The following FLYWCH1 variants were observed in gnomAD, a reference collection of about 807,000 sequenced individuals.
The protein encoded by FLYWCH1 is FLYWCH-type zinc finger 1.
Under a neutral mutation model 66.4 loss-of-function variants are expected in FLYWCH1, and 75 were observed. That is an observed-to-expected ratio of 1.13 (90% CI 0.94 to 1.37). The LOEUF (loss-of-function observed/expected upper bound fraction) is 1.37. Ranked by LOEUF, FLYWCH1 falls within the 40% of genes most tolerant of loss-of-function variation. FLYWCH1 has a pLI of 0.00. For missense variants in FLYWCH1, 1,334 were observed against 1,001.8 expected (o/e 1.33, Z -4.48); for synonymous variants, 595 against 429.9 (o/e 1.38, Z -4.75).
intron 6 of FLYWCH1, 62 bp from the exon 7 acceptor site, chr16:2,937,058 GC>G (rs2071034893): frequency 8.0e-7 from 1 of 1,248,604 alleles, no homozygotes; most frequent in African/African-American, 2.3e-5. Context: ...TCATCTCGGG[GC>G]CATGCTGATC....
Position 2,933,215 on chromosome 16 carries a change from G to A in FLYWCH1, c.882G>A (p.Lys294=). 6.2e-7 allele frequency: 1 copy of A among 1,613,742 alleles called. No homozygotes were observed. The highest frequency in any genetic ancestry group is 8.5e-7 in the Non-Finnish European group (1 of 1,179,856). Residue 294 remains lysine, a synonymous_variant, in exon 5 of 10, where the codon AAG becomes AAA. Transcript: ENST00000253928. ...AGTCGTTCCTCTACAAGCGGGAGAA[G>A]GCTGTCGGGGACAAGGTGTATTGGA... is the stretch of plus-strand genomic sequence containing the variant. The part of the protein sequence containing the change: ...VHESFLYKRE[K]AVGDKVYWTC...
chr16:2,947,244 T>C (rs1461959842), intron 9 of FLYWCH1, among the ~76,000 whole-genome samples: 2 of 152,184 alleles, frequency 1.3e-5, no homozygotes, highest in Non-Finnish European at 2.9e-5. Flanking sequence ...TGTATGTAAT[T>C]CTGTTCTTAC....
chr16:2,934,696 C>G (rs1168764621), intron 6 of FLYWCH1: 2 of 455,988 alleles, frequency 4.4e-6, no homozygotes, highest in East Asian at 1.4e-4. Flanking sequence ...CTAAAGTTCT[C>G]TCGGACTTGA....
chr16:2,919,126 A>T (rs1306563532), intron 2 of FLYWCH1, among the ~76,000 whole-genome samples: 2 of 151,686 alleles, frequency 1.3e-5, no homozygotes, highest in African/African-American at 4.8e-5. Flanking sequence ...AGTAGATGTT[A>T]TCCAAGGTGG....
In FLYWCH1 at chr16:2,944,339, G is replaced by A. The variant is rs1343184337; in HGVS notation, c.2111+4247G>A. Among the ~76,000 whole-genome samples, 11 of 148,628 alleles carry A rather than the reference G, an allele frequency of 7.4e-5. No homozygotes were observed. In the East Asian group the frequency reaches 9.9e-4, roughly 13 times the overall value. ...TGGGAGGTGGAGGTTGTGGTGAGCC[G>A]AGATTGTGCCATTGCACTCCATCCA... On this transcript the variant is annotated intron_variant, in intron 9 of 9. Transcript: ENST00000253928.
In FLYWCH1 at chr16:2,927,332, G is replaced by A. The variant is rs373225630; in HGVS notation, c.-73-2281G>A. ...TCCTGGTAATTTTACAATCGGTACC[G>A]GCCGGGGAAGGGGCTCCAGCAGGAG... On this transcript the variant is annotated intron_variant, in intron 2 of 9. Coordinates refer to ENST00000253928, the MANE Select transcript of FLYWCH1 (RefSeq NM_001308068.2). 9.2e-5 allele frequency among the ~76,000 whole-genome samples: 14 copies of A among 152,324 alleles called. No homozygotes were observed. The East Asian group carries it at 1.5e-3, about 17-fold the overall frequency.
chr16:2,946,072 T>C (rs545367353), intron 9 of FLYWCH1, among the ~76,000 whole-genome samples: 11 of 152,310 alleles, frequency 7.2e-5, no homozygotes, highest in Admixed American at 2.0e-4. Context: ...AATGTATTTG[T>C]GTTTTAAACT....
At position 2,948,900 on chromosome 16, in the gene FLYWCH1, G is replaced by T; in HGVS notation, c.*173G>T. Reference sequence around the variant, plus strand: ...CTCCCAGGAGGAATTCTTGGATGGTGTCCTCATGTCGGCGGAGAACAGTGC... The same window carrying T: ...CTCCCAGGAGGAATTCTTGGATGGTTTCCTCATGTCGGCGGAGAACAGTGC... On this transcript the variant is annotated 3_prime_UTR_variant, in exon 10 of 10. Transcript: ENST00000253928. The T allele has an allele frequency of 1.6e-6, 1 of 610,858 alleles. No homozygotes were observed. The highest frequency in any genetic ancestry group is 2.9e-6 in the Non-Finnish European group (1 of 343,720). The allele number at this position is 610,858 out of a possible 1,614,324, so 37.8% of individuals were successfully genotyped here.
chr16:2,920,307 C>T (rs1013038549), intron 2 of FLYWCH1, among the ~76,000 whole-genome samples: 18 of 151,844 alleles, frequency 1.2e-4, no homozygotes, highest in Admixed American at 3.3e-4. Flanking sequence ...GCCAGGAGTT[C>T]GAGACCAGCC....
At chr16:2,930,355 C>A in intron 3 of FLYWCH1, 55 bp from the exon 4 acceptor site, 5 of 1,165,582 alleles carry the variant, frequency 4.3e-6, no homozygotes, top group Non-Finnish European at 5.9e-6. Flanking sequence ...CTCTCTGTGC[C>A]TGCGACCCTG....
intron 6 of FLYWCH1, 34 bp downstream of exon 6, chr16:2,934,013 G>A: frequency 6.7e-7 from 1 of 1,488,480 alleles, no homozygotes; most frequent in Non-Finnish European, 8.9e-7. Flanking sequence ...TGGGCCCCAG[G>A]AAGCAGGCAG....
rs1162192022 is a variant in FLYWCH1, at chr16:2,920,833, G to A, written c.-74+6544G>A. 5.0e-5 allele frequency among the ~76,000 whole-genome samples: 6 copies of A among 120,956 alleles called. No homozygotes were observed. The East Asian group carries it at 1.1e-3, about 22-fold the overall frequency. 79.4% of individuals were successfully genotyped at this position (120,956 alleles called of 152,430 possible). A position where few individuals can be genotyped will look rare whatever the true frequency, so the allele number is the denominator to read the frequency against. On this transcript the variant is annotated intron_variant, in intron 2 of 9. Transcript: ENST00000253928. The stretch of plus-strand genomic sequence containing the variant: ...TAGGATTACAGGCGTGAGCCACAAC[G>A]CCTGGCCTTTTTTTTTTTTTTTTTT...
chr16:2,914,000 G>A (rs910254296), intron 1 of FLYWCH1, among the ~76,000 whole-genome samples, 176 bp from the exon 2 acceptor site: 8 of 152,084 alleles, frequency 5.3e-5, no homozygotes, highest in Admixed American at 1.3e-4. Flanking sequence ...GTGAGCCACC[G>A]TGCCACCGGC....
intron 2 of FLYWCH1, among the ~76,000 whole-genome samples, chr16:2,925,940 G>C (rs530343346): frequency 3.7e-4 from 57 of 152,348 alleles, no homozygotes; most frequent in African/African-American, 1.3e-3. Flanking sequence ...GCTGCAGCAT[G>C]TGAGGTGGGG....
chr16:2,940,100 T>C lies in FLYWCH1; in HGVS notation c.2111+8T>C. 1.6e-6 allele frequency: 2 copies of C among 1,223,640 alleles called. No individual in the cohort carries two copies. The highest frequency in any genetic ancestry group is 2.4e-6 in the Non-Finnish European group (2 of 825,440). The allele number at this position is 1,223,640 out of a possible 1,614,324, so 75.8% of individuals were successfully genotyped here. On this transcript the variant is annotated splice_region_variant and intron_variant, in intron 9 of 9. Transcript: ENST00000253928. ...AAGCCAGCAGATTTATGGGTAATTG[T>C]ATTTGTTATCTAATGGTGCATGACC... is the stretch of plus-strand genomic sequence containing the variant.
At chr16:2,931,062 T>C (rs1218252569) in intron 4 of FLYWCH1, among the ~76,000 whole-genome samples, 182 bp downstream of exon 4, 1 of 152,088 alleles carries the variant, frequency 6.6e-6, no homozygotes, top group Non-Finnish European at 1.5e-5. Flanking sequence ...CCCAGCACTT[T>C]GGGAGGCCAA....
intron 9 of FLYWCH1, among the ~76,000 whole-genome samples, chr16:2,944,571 C>G (rs933821162): frequency 6.6e-6 from 1 of 152,032 alleles, no homozygotes; most frequent in Non-Finnish European, 1.5e-5. Context: ...ACCTATAATC[C>G]CAGCACTTTG....
chr16:2,946,698 A>G (rs2071500614), intron 9 of FLYWCH1, among the ~76,000 whole-genome samples: 1 of 152,138 alleles, frequency 6.6e-6, no homozygotes, highest in South Asian at 2.1e-4. Flanking sequence ...TTTCCCACAG[A>G]AGATTTGATT....
chr16:2,927,163 C>T (rs1002780926), intron 2 of FLYWCH1, among the ~76,000 whole-genome samples: 1 of 152,184 alleles, frequency 6.6e-6, no homozygotes, highest in East Asian at 1.9e-4. Context: ...GTGTTTAATA[C>T]GTCAGCACCA....
Sources: gnomAD v4.1 joint callset for allele counts (sites outside exome capture counted in the v4.1 genomes callset) on GRCh38, gnomAD v4.1.1 for gene constraint, MANE v1.5 for transcripts, NCBI Gene and HGNC (gene_info 2026-07-23, HGNC 2026-07-21) for gene names.